CHD9: variants seen among roughly 807,000 people sequenced by gnomAD.
The protein encoded by CHD9 is ATP-dependent chromatin remodeler CHD9.
A neutral mutation model predicts 316.1 loss-of-function variants in CHD9; 77 were observed. That is an observed-to-expected ratio of 0.24 (90% CI 0.20 to 0.29). The LOEUF (loss-of-function observed/expected upper bound fraction) is 0.29, where lower values mean the gene tolerates loss of function less well. CHD9 is among the 10% of genes least tolerant of loss of function. CHD9 has a pLI of 1.00. For synonymous variants in CHD9, 1,129 were observed against 1,158.3 expected (o/e 0.97, Z 0.51); for missense variants, 2,763 against 3,438.1 (o/e 0.80, Z 4.91).
chr16:53,131,147 A>C, intron 1 of CHD9: 1 of 145,348 alleles, frequency 6.9e-6, no homozygotes, highest in Non-Finnish European at 1.5e-5. Flanking sequence ...GCCGCTGCTC[A>C]ACTGGTGGGG....
intron 36 of CHD9, among the ~76,000 whole-genome samples, chr16:53,316,420 C>G (rs2056888990): frequency 6.6e-6 from 1 of 152,140 alleles, no homozygotes; most frequent in South Asian, 2.1e-4. Flanking sequence ...CTGAAGAATT[C>G]TCATACCTTT....
Position 53,307,852 on chromosome 16 carries a change from C to G in CHD9, c.6952C>G (p.Pro2318Ala). 3 of 1,613,300 alleles carry G rather than the reference C, an allele frequency of 1.9e-6. No homozygotes were observed. Among genetic ancestry groups the G allele is most frequent in the Non-Finnish European group, 2.5e-6 (3 of 1,179,420 alleles). The change falls in exon 33 of 39, where the codon CCC becomes GCC. Residue 2318 changes from proline (P) to alanine (A), a missense_variant. Pro to Ala is a conservative substitution (Grantham distance 27). Transcript: ENST00000447540. ...TEYSDPSVPTPPGAGVKEEHD... is the reference protein window; with the variant it reads ...TEYSDPSVPTAPGAGVKEEHD... ...ATACAGCGATCCCAGTGTACCCACT[C>G]CCCCAGGTGCCGGTGTTAAAGAAGA...
intron 26 of CHD9, among the ~76,000 whole-genome samples, chr16:53,287,212 A>G (rs1028407098): frequency 2.0e-5 from 3 of 152,080 alleles, no homozygotes; most frequent in Non-Finnish European, 4.4e-5. Context: ...GTGATCTTCC[A>G]CCTTAGCCTT....
intron 2 of CHD9, among the ~76,000 whole-genome samples, chr16:53,172,947 T>G (rs1230000744): frequency 6.6e-6 from 1 of 152,176 alleles, no homozygotes; most frequent in Non-Finnish European, 1.5e-5. Flanking sequence ...GTCTGTGGGT[T>G]GCCTTTTTTT....
chr16:53,100,406 A>C (rs2036751754), intron 1 of CHD9, among the ~76,000 whole-genome samples: 1 of 150,090 alleles, frequency 6.7e-6, no homozygotes, highest in Admixed American at 6.7e-5. Flanking sequence ...ACTGAAAATC[A>C]CTGTTCCTTT....
At chr16:53,184,290 G>A (rs554858515) in intron 2 of CHD9, among the ~76,000 whole-genome samples, 92 of 152,244 alleles carry the variant, frequency 6.0e-4, no homozygotes, top group Non-Finnish European at 1.1e-3. Context: ...CTAAAAGAAA[G>A]GATACATATG....
intron 1 of CHD9, among the ~76,000 whole-genome samples, chr16:53,094,488 C>T (rs2036219193): frequency 6.6e-6 from 1 of 152,182 alleles, no homozygotes; most frequent in Non-Finnish European, 1.5e-5. Flanking sequence ...GGTGACAATT[C>T]TGAACCTGCA....
chr16:53,312,289 A>C (rs531990855), intron 34 of CHD9, among the ~76,000 whole-genome samples: 1 of 152,266 alleles, frequency 6.6e-6, no homozygotes, highest in African/African-American at 2.4e-5. Flanking sequence ...AGACCTGCAC[A>C]TTAAAATATT....
rs566635112 is a variant in CHD9, at chr16:53,323,488, C to T, written c.7819-532C>T. Among the ~76,000 whole-genome samples, 7 of 152,316 alleles carry T rather than the reference C, an allele frequency of 4.6e-5. No individual in the cohort carries two copies. In the South Asian group the frequency reaches 1.5e-3, roughly 32 times the overall value. On this transcript the variant is annotated intron_variant, in intron 38 of 38. Transcript: ENST00000447540. The stretch of plus-strand genomic sequence containing the variant: ...CCTGGACTTTATGGTTCCCAATCTG[C>T]AAGTGCTACTGCAGGTGACCTTAAC...
At chr16:53,220,354 A>C (rs975447220) in intron 3 of CHD9, among the ~76,000 whole-genome samples, 2 of 152,172 alleles carry the variant, frequency 1.3e-5, no homozygotes, top group Non-Finnish European at 1.5e-5. Context: ...GCATTCTATA[A>C]CTTTTTCTCA....
At position 53,307,910 on chromosome 16, in the gene CHD9, A is replaced by G. The variant is rs2056127559; in HGVS notation, c.7010A>G (p.Lys2337Arg). 6.2e-7 allele frequency: 1 copy of G among 1,612,994 alleles called. No homozygotes were observed. Among genetic ancestry groups the G allele is most frequent in the African/African-American group, 1.3e-5 (1 of 74,922 alleles). The part of the protein sequence containing the change: ...HDQSTQMSKV[K>R]KHVREKEFTV... ...CAGTCAACACAGATGTCAAAGGTGA[A>G]GAAGCATGTACGAGAAAAGGAGTTT... is the stretch of plus-strand genomic sequence containing the variant. The change falls in exon 33 of 39, where the codon AAG becomes AGG. Residue 2337 changes from lysine (K) to arginine (R), a missense_variant. Transcript: ENST00000447540.
rs890921265 is a variant in CHD9 at position 53,157,023 on chromosome 16, T to A, written c.934T>A (p.Ser312Thr). 6 of 1,612,892 alleles carry A rather than the reference T, an allele frequency of 3.7e-6. No homozygotes were observed. Among genetic ancestry groups the A allele is most frequent in the Non-Finnish European group, 5.1e-6 (6 of 1,179,652 alleles). ...TGATTTTACTGGAAGTAATTCCTTTTCACCTCATAGAGGAATCAAGCAAGA... is the reference window on the plus strand; with the variant it reads ...TGATTTTACTGGAAGTAATTCCTTTACACCTCATAGAGGAATCAAGCAAGA... ...LSDFTGSNSF[S>T]PHRGIKQEST... The change falls in exon 2 of 39, where the codon TCA (serine) becomes ACA (threonine). Residue 312 changes from serine to threonine, a missense_variant. Around this residue, in one of 15 missense-constraint regions of CHD9, gnomAD observed 859 missense variants for 890.4 expected, o/e 0.96. Coordinates refer to ENST00000447540, the MANE Select transcript of CHD9 (RefSeq NM_001308319.2).
chr16:53,275,879 G>C (rs1370315149), intron 24 of CHD9, among the ~76,000 whole-genome samples: 1 of 151,950 alleles, frequency 6.6e-6, no homozygotes, highest in Non-Finnish European at 1.5e-5. Context: ...TCATTTCCTT[G>C]GCCTTTATAT....
chr16:53,242,750 T>C (rs1469400796), intron 12 of CHD9, 90 bp from the exon 13 acceptor site: 1 of 1,152,626 alleles, frequency 8.7e-7, no homozygotes, highest in African/African-American at 1.6e-5. Flanking sequence ...AGAAATGTTT[T>C]ATAACAGATG....
chr16:53,274,199 T>C lies in CHD9; in HGVS notation c.4878-14T>C, dbSNP rs778043865. On this transcript the variant is annotated splice_polypyrimidine_tract_variant and intron_variant, in intron 23 of 38. Coordinates refer to ENST00000447540, the MANE Select transcript of CHD9 (RefSeq NM_001308319.2). ...ATGTCTTTATGCCTTTGATTTATTTTCCCTTGTTTTTAGGGTTTTGCTTCG... is the reference window on the plus strand; with the variant it reads ...ATGTCTTTATGCCTTTGATTTATTTCCCCTTGTTTTTAGGGTTTTGCTTCG... 14 of 1,536,130 alleles carry C rather than the reference T, an allele frequency of 9.1e-6. No homozygotes were observed. The highest frequency in any genetic ancestry group is 4.5e-5 in the East Asian group (2 of 44,314).
In CHD9 at chr16:53,167,642, A is replaced by G. The variant is rs528829478; in HGVS notation, c.1452+10101A>G. 1.8e-4 allele frequency among the ~76,000 whole-genome samples: 26 copies of G among 148,196 alleles called. No individual in the cohort carries two copies. The South Asian group carries it at 4.6e-3, about 26-fold the overall frequency. ...GCTCTTTGTTTCATGGCATTTGACA[A>G]TCTGTAATTATTTGATTCTTCAAAT... On this transcript the variant is annotated intron_variant, in intron 2 of 38. Coordinates refer to ENST00000447540, the MANE Select transcript of CHD9 (RefSeq NM_001308319.2).
At chr16:53,127,402 T>C (rs576139553) in intron 1 of CHD9, among the ~76,000 whole-genome samples, 1 of 152,312 alleles carries the variant, frequency 6.6e-6, no homozygotes, top group East Asian at 1.9e-4. Context: ...CCAAAATGCT[T>C]ATATAGGGAA....
At chr16:53,229,747 C>T (rs2048007941) in intron 8 of CHD9, among the ~76,000 whole-genome samples, 1 of 152,078 alleles carries the variant, frequency 6.6e-6, no homozygotes, top group South Asian at 2.1e-4. Context: ...TTCATTCTGT[C>T]CCTCTCTCTG....
intron 2 of CHD9, among the ~76,000 whole-genome samples, chr16:53,183,510 C>T (rs1843216737): frequency 6.6e-6 from 1 of 152,038 alleles, no homozygotes; most frequent in Admixed American, 6.6e-5. Flanking sequence ...AACATTTATT[C>T]CCGTTTAATG....
Sources: gnomAD v4.1 joint callset for allele counts (sites outside exome capture counted in the v4.1 genomes callset) on GRCh38, gnomAD v4.1.1 for gene constraint, gnomAD v4.1.1 regional missense constraint, MANE v1.5 for transcripts, NCBI Gene and HGNC (gene_info 2026-07-23, HGNC 2026-07-21) for gene names.